Variants in CACNA1S observed in about 807,000 individuals in gnomAD.
The protein encoded by CACNA1S is voltage-dependent L-type calcium channel subunit alpha-1S.
A neutral mutation model predicts 207.4 loss-of-function variants in CACNA1S; 126 were observed. That is an observed-to-expected ratio of 0.61 (90% confidence interval 0.53 to 0.70). CACNA1S has a LOEUF of 0.70. Ranked by LOEUF, CACNA1S falls within the 30% of genes least tolerant of loss-of-function variation. The probability of loss-of-function intolerance (pLI) is 0.00; values close to 1 mark genes in which losing one functional copy is unlikely to be tolerated. For synonymous variants in CACNA1S, 960 were observed against 932.7 expected, an observed-to-expected ratio of 1.03 and a Z score of -0.53; for missense variants, 2,349 against 2,422.8, an observed-to-expected ratio of 0.97 and a Z score of 0.64.
chr1:201,045,208 C>T (rs760346481), intron 38 of CACNA1S, among the ~76,000 whole-genome samples: 1 of 152,146 alleles, frequency 6.6e-6, no homozygotes. Context: ...GCATTCTTAT[C>T]CAAGATGCAT....
intron 28 of CACNA1S, among the ~76,000 whole-genome samples, chr1:201,057,983 A>G (rs1660905468): frequency 6.6e-6 from 1 of 152,002 alleles, no homozygotes; most frequent in South Asian, 2.1e-4. Context: ...AATAAACTGG[A>G]CCACTCAGCA....
Position 201,091,970 on chromosome 1 carries a change from A to C in CACNA1S, c.541+2T>G. ...GGGGTCTGCAGGGACACTGCCACCCACTAGGCACCCCCGACACCAGCCGGA... is the reference window on the plus strand; with the variant it reads ...GGGGTCTGCAGGGACACTGCCACCCCCTAGGCACCCCCGACACCAGCCGGA... On this transcript the variant is annotated splice_donor_variant, in intron 4 of 43. Transcript: ENST00000362061. LOFTEE classifies it high-confidence loss of function. The C allele has an allele frequency of 6.2e-7, 1 of 1,614,088 alleles. No individual in the cohort carries two copies. Among genetic ancestry groups the C allele is most frequent in the Non-Finnish European group, 8.5e-7 (1 of 1,179,982 alleles).
chr1:201,068,229 C>CCCTT, intron 19 of CACNA1S, among the ~76,000 whole-genome samples: 1 of 123,208 alleles, frequency 8.1e-6, no homozygotes, highest in African/African-American at 3.2e-5. Flanking sequence ...CCCGGCTCTG[C>CCCTT]TCTTTTTTTT....
At position 201,053,764 on chromosome 1, in the gene CACNA1S, C is replaced by T. The variant is rs1207346247; in HGVS notation, c.3667-177G>A. Among the ~76,000 whole-genome samples, 1 of 152,206 alleles carries T rather than the reference C, an allele frequency of 6.6e-6. No individual in the cohort carries two copies. Among genetic ancestry groups the T allele is most frequent in the Non-Finnish European group, 1.5e-5 (1 of 68,022 alleles). On this transcript the variant is annotated intron_variant, in intron 29 of 43. Coordinates refer to ENST00000362061, the MANE Select transcript of CACNA1S (RefSeq NM_000069.3). The surrounding 1 kb of genome is among the most constrained non-coding windows in gnomAD (Gnocchi z 5.1). ...TTCGGGACCATCCTTGGGCACAGGG[C>T]TCTGGGGCTGTTCAGCTGGGAGGCA... is the stretch of plus-strand genomic sequence containing the variant.
chr1:201,048,677 A>G lies in CACNA1S; in HGVS notation c.4346T>C (p.Val1449Ala). Residue 1449 changes from valine to alanine, a missense_variant, in exon 36 of 44, where the codon GTG becomes GCG. Physicochemically the swap from Val to Ala is moderately conservative, Grantham distance 64 (BLOSUM62 0). Transcript: ENST00000362061. ...GCTGTTCAGGGGCATGTTCATGCCC[A>G]CCAGCCGCTGTACAGGGAGACGCAG... ...CPHRVACKRL[V>A]GMNMPLNSDG... is the part of the protein sequence containing the mutation. The G allele has an allele frequency of 6.3e-7, 1 of 1,594,734 alleles. No homozygotes were observed.
At chr1:201,071,383 C>G (rs750956036) in intron 16 of CACNA1S, among the ~76,000 whole-genome samples, 1 of 152,054 alleles carries the variant, frequency 6.6e-6, no homozygotes, top group Non-Finnish European at 1.5e-5. Flanking sequence ...TCTTGCCCAG[C>G]CTGCCACAGA....
intron 32 of CACNA1S, 22 bp downstream of exon 32, chr1:201,052,534 TG>T: frequency 1.3e-6 from 2 of 1,536,616 alleles, no homozygotes; most frequent in Non-Finnish European, 1.8e-6. Context: ...GGGGTAGGGG[TG>T]GGGGTGGCGG....
At chr1:201,082,775 T>G (rs1367483496) in intron 10 of CACNA1S, among the ~76,000 whole-genome samples, 1 of 152,202 alleles carries the variant, frequency 6.6e-6, no homozygotes, top group Non-Finnish European at 1.5e-5. Flanking sequence ...GGTGAAAGAC[T>G]GTTGTTTTTG....
chr1:201,065,044 G>A (rs1661191982), intron 22 of CACNA1S, among the ~76,000 whole-genome samples: 1 of 152,196 alleles, frequency 6.6e-6, no homozygotes, highest in South Asian at 2.1e-4. Flanking sequence ...GAATGGCTGT[G>A]GGGCCCTGGG....
intron 9 of CACNA1S, 96 bp downstream of exon 9, chr1:201,084,854 G>T: frequency 2.3e-6 from 2 of 881,812 alleles, no homozygotes; most frequent in South Asian, 1.4e-5. Context: ...TTAGACAAGT[G>T]ACTCTGAAAC....
At chr1:201,040,483 G>A in intron 42 of CACNA1S, 109 bp from the exon 43 acceptor site, 3 of 1,465,160 alleles carry the variant, frequency 2.0e-6, no homozygotes, top group Non-Finnish European at 2.8e-6. Flanking sequence ...ACAGAAAGGG[G>A]AGGATGGAGG....
At chr1:201,080,206 AC>A (rs1280974641) in intron 10 of CACNA1S, among the ~76,000 whole-genome samples, 1 of 152,142 alleles carries the variant, frequency 6.6e-6, no homozygotes, top group East Asian at 1.9e-4. Context: ...TGCTACCTTG[AC>A]ATATCCATTG....
intron 34 of CACNA1S, 123 bp downstream of exon 34, chr1:201,050,266 A>G: frequency 9.4e-7 from 1 of 1,064,118 alleles, no homozygotes; most frequent in Non-Finnish European, 1.5e-6. Context: ...CTGAGACCTC[A>G]GATAAATGAA....
At position 201,077,127 on chromosome 1, in the gene CACNA1S, T is replaced by C. The variant is rs371020719; in HGVS notation, c.1620A>G (p.Lys540=). ...CCAGGTTGCTCAGCGACGTCCAATA[T>C]CTGAAGGAAGAGGAGGCACAAGGTG... ...IRLLRIFKIT[K]YWTSLSNLVA... Residue 540 remains lysine, a splice_region_variant and synonymous_variant, in exon 12 of 44, where the codon AAA becomes AAG. Coordinates refer to ENST00000362061, the MANE Select transcript of CACNA1S (RefSeq NM_000069.3). The C allele has an allele frequency of 1.9e-6, 3 of 1,613,570 alleles. No homozygotes were observed. In the African/African-American group the frequency reaches 4.0e-5, roughly 22 times the overall value.
intron 13 of CACNA1S, 52 bp downstream of exon 13, chr1:201,075,443 T>TCCCCCCC: frequency 6.3e-7 from 1 of 1,597,922 alleles, no homozygotes; most frequent in Admixed American, 1.7e-5. Context: ...TTAAGCCCTT[T>TCCCCCCC]CCCCCACCCC....
rs1558062310 is a variant in CACNA1S, at chr1:201,061,339, C to T, written c.3183G>A (p.Val1061=). The T allele has an allele frequency of 1.9e-6, 3 of 1,614,200 alleles. No individual in the cohort carries two copies. The South Asian group carries it at 3.3e-5, about 18-fold the overall frequency. Residue 1061 remains valine, a synonymous_variant, in exon 25 of 44, where the codon GTG becomes GTA. Transcript: ENST00000362061. The part of the protein sequence containing the change: ...LIAFFMMNIF[V]GFVIVTFQEQ... Reference sequence around the variant, plus strand: ...CCTGGAAGGTGACAATGACGAAGCCCACAAAGATGTTCATCATGAAGAAGG... The same window carrying T: ...CCTGGAAGGTGACAATGACGAAGCCTACAAAGATGTTCATCATGAAGAAGG...
At chr1:201,080,732 G>GT (rs1002611441) in intron 10 of CACNA1S, among the ~76,000 whole-genome samples, 8 of 75,866 alleles carry the variant, frequency 1.1e-4, no homozygotes, top group African/African-American at 1.9e-4. Flanking sequence ...TTGGTTTGCA[G>GT]TTTTTTTTTG....
At position 201,053,103 on chromosome 1, in the gene CACNA1S, G is replaced by A. The variant is rs1409803745; in HGVS notation, c.3861+106C>T. The A allele has an allele frequency of 3.2e-6, 4 of 1,260,020 alleles. No individual in the cohort carries two copies. The highest frequency in any genetic ancestry group is 1.7e-5 in the Admixed American group (1 of 59,486). 78.1% of individuals were successfully genotyped at this position (1,260,020 alleles called of 1,614,324 possible). A position where few individuals can be genotyped will look rare whatever the true frequency, so the allele number is the denominator to read the frequency against. On this transcript the variant is annotated intron_variant, in intron 31 of 43. Coordinates refer to ENST00000362061, the MANE Select transcript of CACNA1S (RefSeq NM_000069.3). The surrounding 1 kb of genome is among the most constrained non-coding windows in gnomAD (Gnocchi z 5.1). ...TCTTTCTCACGAGCAAGGCAGGGAG[G>A]GCGGAGGGTCCAGCCCGTGTGCTGC...
intron 2 of CACNA1S, among the ~76,000 whole-genome samples, chr1:201,099,572 G>T (rs546777714): frequency 1.3e-5 from 2 of 152,310 alleles, no homozygotes; most frequent in South Asian, 4.1e-4. Flanking sequence ...TTTAAGGCAC[G>T]TGTGCTGCAT....
Sources: gnomAD v4.1 joint callset for allele counts (sites outside exome capture counted in the v4.1 genomes callset) on GRCh38, gnomAD v4.1.1 for gene constraint, Gnocchi (gnomAD v3.1) non-coding constraint, MANE v1.5 for transcripts, NCBI Gene and HGNC (gene_info 2026-07-23, HGNC 2026-07-21) for gene names.